Variants in ADD2 observed in about 807,000 individuals in gnomAD.
ADD2 encodes adducin 2.
ADD2 carries 23 observed loss-of-function variants against 83.0 expected under a neutral mutation model. The observed-to-expected ratio is 0.28, with a 90% CI of 0.20 to 0.39. The LOEUF is 0.39. Among genes scored for constraint, ADD2 ranks in the 10% least tolerant of loss-of-function variants. The pLI is 1.00. For synonymous variants in ADD2, 375 were observed against 375.4 expected (o/e 1.00, Z 0.01); for missense variants, 758 against 944.9 (o/e 0.80, Z 2.59).
chr2:70,732,964 C>T (rs147285770), intron 1 of ADD2, among the ~76,000 whole-genome samples: 89 of 152,286 alleles, frequency 5.8e-4, no homozygotes, highest in African/African-American at 1.7e-3. Context: ...TCTGTTCATA[C>T]ATCTGTCTGA....
rs781807374 is a variant in ADD2 at position 70,688,087 on chromosome 2, C to T, written c.885G>A (p.Leu295=). The T allele has an allele frequency of 5.0e-6, 8 of 1,614,048 alleles. 1 individual carries two copies. In the African/African-American group the frequency reaches 5.3e-5, roughly 11 times the overall value. ...AAAATGCCTCCTCTACCGTGTCACC[C>T]AGAGCAACCACTCCATGGTTTCTTA... ...LVLRNHGVVA[L]GDTVEEAFYK... The change falls in exon 9 of 16, where the codon CTG becomes CTA. Residue 295 remains leucine (L), a synonymous_variant. Transcript: ENST00000264436.
At chr2:70,719,699 C>CCTGATTCA (rs1372334599) in intron 1 of ADD2, among the ~76,000 whole-genome samples, 1 of 152,184 alleles carries the variant, frequency 6.6e-6, no homozygotes, top group African/African-American at 2.4e-5. Context: ...AGCTGACTGT[C>CCTGATTCA]CTGATTCACT....
chr2:70,711,327 C>T (rs1277413305), intron 2 of ADD2: 1 of 152,082 alleles, frequency 6.6e-6, no homozygotes, highest in Admixed American at 6.5e-5. Flanking sequence ...TGAGTTTATA[C>T]TAATAAGGTG....
At chr2:70,687,647 T>C (rs2104300959) in intron 9 of ADD2, among the ~76,000 whole-genome samples, 1 of 152,254 alleles carries the variant, frequency 6.6e-6, no homozygotes, top group South Asian at 2.1e-4. Context: ...TACCTGTGTG[T>C]CTGTTGGGCA....
chr2:70,659,257 ATTATTT>A lies in ADD2; in HGVS notation c.*4162_*4167del, dbSNP rs1675462693. 1 of 151,916 alleles carries A rather than the reference ATTATTT, an allele frequency of 6.6e-6. No individual in the cohort carries two copies. The highest frequency in any genetic ancestry group is 1.5e-5 in the Non-Finnish European group (1 of 67,986). 9.4% of individuals were successfully genotyped at this position (151,916 alleles called of 1,614,324 possible). A position where few individuals can be genotyped will look rare whatever the true frequency, so the allele number is the denominator to read the frequency against. ...ACATACCTTCATGGAAAAATTGAAA[ATTATTT>A]TTAGACTTTCAGAGGCGAATCATGC... On this transcript the variant is annotated 3_prime_UTR_variant, in exon 16 of 16. Transcript: ENST00000264436.
At position 70,767,922 on chromosome 2, in the gene ADD2, C is replaced by T. The variant is rs781885095; in HGVS notation, c.-190G>A. 2.0e-6 allele frequency: 3 copies of T among 1,535,980 alleles called. No homozygotes were observed. Among genetic ancestry groups the T allele is most frequent in the East Asian group, 4.9e-5 (2 of 40,882 alleles). On this transcript the variant is annotated 5_prime_UTR_variant, in exon 1 of 16. In the 5' UTR this introduces an upstream ATG that the reference lacks. Coordinates refer to ENST00000264436, the MANE Select transcript of ADD2 (RefSeq NM_001617.4). The stretch of plus-strand genomic sequence containing the variant: ...CATCTTAGCTATCTCCGGTCGGCCA[C>T]TGCGGGTTGGTTTTGTTATTTTATG...
intron 6 of ADD2, among the ~76,000 whole-genome samples, chr2:70,695,251 T>C (rs1024363649): frequency 7.9e-5 from 12 of 152,050 alleles, no homozygotes; most frequent in African/African-American, 2.9e-4. Flanking sequence ...CCTCCCCCCA[T>C]CTGGAAATAT....
chr2:70,737,330 G>A (rs1446833432), intron 1 of ADD2, among the ~76,000 whole-genome samples: 12 of 152,148 alleles, frequency 7.9e-5, no homozygotes, highest in African/African-American at 2.9e-4. Context: ...CAACCCAAAT[G>A]TCCATCAATG....
chr2:70,723,252 C>T (rs1489195545), intron 1 of ADD2, among the ~76,000 whole-genome samples: 1 of 152,162 alleles, frequency 6.6e-6, no homozygotes, highest in East Asian at 1.9e-4. Context: ...GAAGAACAGT[C>T]CCTCCTCAGA....
chr2:70,766,662 T>C (rs1675398908), intron 1 of ADD2, among the ~76,000 whole-genome samples: 1 of 152,202 alleles, frequency 6.6e-6, no homozygotes, highest in Non-Finnish European at 1.5e-5. Flanking sequence ...ATCCACAAAC[T>C]AGACATGAAA....
In ADD2 at chr2:70,657,004, T is replaced by TAA. The variant is rs1205718658; in HGVS notation, c.*6419_*6420dup. 1 of 135,396 alleles carries TAA rather than the reference T, an allele frequency of 7.4e-6. No homozygotes were observed. Among genetic ancestry groups the TAA allele is most frequent in the Non-Finnish European group, 1.6e-5 (1 of 62,350 alleles). 8.4% of individuals were successfully genotyped at this position (135,396 alleles called of 1,614,324 possible). On this transcript the variant is annotated 3_prime_UTR_variant, in exon 16 of 16. Transcript: ENST00000264436. ...CAGAAAACTATACAAAACCAACCCA[T>TAA]AAATATATATATATATATAATATGT...
rs1344736834 is a variant in ADD2 at position 70,704,409 on chromosome 2, C to A, written c.234G>T (p.Gly78=). ...EGLIQEQMKK[G]NNSSNIWALR... ...GGGCCCAGATGTTGGAGGAGTTGTT[C>A]CCCTTCTTCATCTGCTCCTGGATGA... Residue 78 remains glycine (G), a synonymous_variant, in exon 4 of 16, where the codon GGG becomes GGT. Transcript: ENST00000264436. 1 of 1,614,032 alleles carries A rather than the reference C, an allele frequency of 6.2e-7. No homozygotes were observed. The highest frequency in any genetic ancestry group is 1.3e-5 in the African/African-American group (1 of 74,908).
chr2:70,692,633 T>C, intron 6 of ADD2, 81 bp from the exon 7 acceptor site: 1 of 1,427,704 alleles, frequency 7.0e-7, no homozygotes, highest in South Asian at 1.4e-5. Context: ...GGGCCCAGCA[T>C]GTGCCGCCCA....
chr2:70,672,774 G>T, intron 15 of ADD2, 104 bp downstream of exon 15: 1 of 1,337,540 alleles, frequency 7.5e-7, no homozygotes, highest in Non-Finnish European at 1.0e-6. Flanking sequence ...TAGCAGAGGG[G>T]AAAGATTTTC....
intron 1 of ADD2, among the ~76,000 whole-genome samples, chr2:70,746,697 T>C (rs962545455): frequency 1.1e-4 from 16 of 152,178 alleles, no homozygotes; most frequent in African/African-American, 3.6e-4. Context: ...GTTTGTCAGC[T>C]GTGTAGCCCT....
chr2:70,736,599 A>T (rs190692933), intron 1 of ADD2, among the ~76,000 whole-genome samples: 3 of 152,364 alleles, frequency 2.0e-5, no homozygotes, highest in African/African-American at 4.8e-5. Flanking sequence ...CACAGGACAC[A>T]GTGCTTTGTA....
At chr2:70,679,224 TAGAC>T (rs1670336412) in intron 10 of ADD2, among the ~76,000 whole-genome samples, 1 of 152,200 alleles carries the variant, frequency 6.6e-6, no homozygotes, top group African/African-American at 2.4e-5. Flanking sequence ...GTGGACCAGA[TAGAC>T]AGAGCTCCTC....
chr2:70,711,234 A>C (rs923765340), intron 2 of ADD2: 3 of 152,188 alleles, frequency 2.0e-5, no homozygotes, highest in Non-Finnish European at 2.9e-5. Flanking sequence ...ACAGAGTTTC[A>C]AAAACCTTTG....
intron 9 of ADD2, among the ~76,000 whole-genome samples, chr2:70,685,615 A>G (rs1670677261): frequency 6.6e-6 from 1 of 152,208 alleles, no homozygotes; most frequent in Non-Finnish European, 1.5e-5. Flanking sequence ...TTCCTCTAAA[A>G]TGAAAATAGC....
Sources: allele counts gnomAD v4.1 joint callset (sites outside exome capture counted in the v4.1 genomes callset), GRCh38; gene constraint gnomAD v4.1.1; transcripts MANE v1.5; gene names NCBI Gene and HGNC (gene_info 2026-07-23, HGNC 2026-07-21).